RASGRF2: variants seen among roughly 807,000 people sequenced by gnomAD.
RASGRF2 encodes the protein Ras protein specific guanine nucleotide releasing factor 2, also known as ras-specific guanine nucleotide-releasing factor 2.
Under a neutral mutation model 151.0 loss-of-function variants are expected in RASGRF2, and 76 were observed. That is an observed-to-expected ratio of 0.50 (90% CI 0.42 to 0.61). The LOEUF (loss-of-function observed/expected upper bound fraction) is 0.61. Ranked by LOEUF, RASGRF2 falls within the 20% of genes least tolerant of loss-of-function variation. The pLI is 0.00. For missense variants in RASGRF2, 1,148 were observed against 1,564.6 expected, an observed-to-expected ratio of 0.73 and a Z score of 4.49; for synonymous variants, 504 against 566.5, an observed-to-expected ratio of 0.89 and a Z score of 1.57.
chr5:81,001,654 A>G (rs565173327), intron 1 of RASGRF2, among the ~76,000 whole-genome samples: 2 of 152,284 alleles, frequency 1.3e-5, no homozygotes, highest in East Asian at 3.9e-4. Flanking sequence ...TCCCACAGTC[A>G]TCTACACATA....
intron 1 of RASGRF2, among the ~76,000 whole-genome samples, chr5:80,995,691 C>CA (rs1554083704): frequency 4.6e-5 from 6 of 129,880 alleles, no homozygotes; most frequent in Non-Finnish European, 9.7e-5. Flanking sequence ...CCTTCCCCCC[C>CA]CCTTTTTTTT....
intron 1 of RASGRF2, among the ~76,000 whole-genome samples, chr5:81,022,740 G>C (rs1442397367): frequency 1.3e-5 from 2 of 152,224 alleles, no homozygotes; most frequent in East Asian, 3.9e-4. Context: ...TGGGAGAGGG[G>C]GGCACTAGCT....
chr5:80,972,878 C>T (rs1471711640), intron 1 of RASGRF2, among the ~76,000 whole-genome samples: 1 of 152,130 alleles, frequency 6.6e-6, no homozygotes, highest in Non-Finnish European at 1.5e-5. Flanking sequence ...AACTATATGA[C>T]CTACCATTTC....
intron 17 of RASGRF2, among the ~76,000 whole-genome samples, chr5:81,139,830 T>C (rs1753842037): frequency 1.3e-5 from 2 of 152,112 alleles, no homozygotes; most frequent in Non-Finnish European, 2.9e-5. Context: ...CAGACTTTTT[T>C]TATTTTTTGA....
chr5:81,005,304 C>G lies in RASGRF2; in HGVS notation c.289-37573C>G, dbSNP rs1171538510. ...CGGAAGGGGAAGCAAACATGTCCTT[C>G]TTCATGCTGGCAGGAAGAAGAAATG... On this transcript the variant is annotated intron_variant, in intron 1 of 26. Coordinates refer to ENST00000265080, the MANE Select transcript of RASGRF2 (RefSeq NM_006909.3). Among the ~76,000 whole-genome samples, 3 of 152,168 alleles carry G rather than the reference C, an allele frequency of 2.0e-5. No homozygotes were observed. In the East Asian group the frequency reaches 5.8e-4, roughly 29 times the overall value.
intron 9 of RASGRF2, chr5:81,087,667 G>T (rs1399104349): frequency 2.5e-6 from 1 of 401,688 alleles, no homozygotes; most frequent in Non-Finnish European, 4.5e-6. Context: ...CACATCCCAA[G>T]TTATTTTTTT....
chr5:81,181,874 AC>A (rs1754924796), intron 18 of RASGRF2, among the ~76,000 whole-genome samples: 1 of 152,210 alleles, frequency 6.6e-6, no homozygotes, highest in South Asian at 2.1e-4. Context: ...ATTATCTCAA[AC>A]AGGAATCCCT....
At chr5:81,172,093 C>T (rs1344345910) in intron 17 of RASGRF2, among the ~76,000 whole-genome samples, 2 of 151,976 alleles carry the variant, frequency 1.3e-5, no homozygotes, top group African/African-American at 4.8e-5. Flanking sequence ...GTTTTTTTTA[C>T]CATCTGTGAC....
intron 17 of RASGRF2, among the ~76,000 whole-genome samples, chr5:81,129,612 G>A (rs1426228435): frequency 6.6e-6 from 1 of 152,100 alleles, no homozygotes; most frequent in Non-Finnish European, 1.5e-5. Context: ...ATAACAAAAA[G>A]CAGTCTATAA....
intron 2 of RASGRF2, among the ~76,000 whole-genome samples, chr5:81,055,308 C>T (rs1054015318): frequency 1.2e-4 from 18 of 152,174 alleles, no homozygotes; most frequent in African/African-American, 4.1e-4. Flanking sequence ...CCCATCAATA[C>T]CTAATTTATT....
intron 8 of RASGRF2, 99 bp from the exon 9 acceptor site, chr5:81,086,736 A>G: frequency 1.0e-6 from 1 of 969,132 alleles, no homozygotes; most frequent in Non-Finnish European, 1.6e-6. Flanking sequence ...AATCGATACA[A>G]GCTTGCAACC....
At chr5:81,185,627 CT>C (rs1204908998) in intron 18 of RASGRF2, among the ~76,000 whole-genome samples, 1 of 152,150 alleles carries the variant, frequency 6.6e-6, no homozygotes, top group Non-Finnish European at 1.5e-5. Context: ...CCTGCCACAT[CT>C]AGAGAGAGCC....
At chr5:81,016,577 A>G (rs1198465536) in intron 1 of RASGRF2, among the ~76,000 whole-genome samples, 1 of 152,244 alleles carries the variant, frequency 6.6e-6, no homozygotes, top group Non-Finnish European at 1.5e-5. Context: ...GGAGAAAACC[A>G]CAATAGGATG....
At chr5:81,034,701 A>C (rs1750405660) in intron 1 of RASGRF2, among the ~76,000 whole-genome samples, 1 of 151,340 alleles carries the variant, frequency 6.6e-6, no homozygotes, top group South Asian at 2.1e-4. Context: ...TCGCAAGAAC[A>C]AAAAACCAAA....
chr5:81,145,068 C>A (rs1246118027), intron 17 of RASGRF2, among the ~76,000 whole-genome samples: 2 of 152,070 alleles, frequency 1.3e-5, no homozygotes, highest in Non-Finnish European at 2.9e-5. Flanking sequence ...CATGGAGAAA[C>A]CCAGTCTCTA....
At position 81,080,649 on chromosome 5, in the gene RASGRF2, C is replaced by T. The variant is rs1340681754; in HGVS notation, c.1021C>T (p.Arg341Cys). 2 of 1,614,034 alleles carry T rather than the reference C, an allele frequency of 1.2e-6. No homozygotes were observed. The highest frequency in any genetic ancestry group is 1.7e-6 in the Non-Finnish European group (2 of 1,179,898). ...GCTGAACATTTATCAAGAATTTGTGCGTAATCACCAGTACAGCCTGCAAGT... is the reference window on the plus strand; with the variant it reads ...GCTGAACATTTATCAAGAATTTGTGTGTAATCACCAGTACAGCCTGCAAGT... The part of the protein sequence containing the change: ...PMLNIYQEFV[R>C]NHQYSLQVLA... Residue 341 changes from arginine (R) to cysteine (C), a missense_variant, in exon 7 of 27, where the codon CGT becomes TGT. By Grantham distance (180) the Arg-to-Cys change is radical. This residue lies in a region of RASGRF2 where 176 missense variants were observed against 309.6 expected (regional missense o/e 0.57). Coordinates refer to ENST00000265080, the MANE Select transcript of RASGRF2 (RefSeq NM_006909.3).
chr5:80,977,992 G>T (rs1457243443), intron 1 of RASGRF2, among the ~76,000 whole-genome samples: 1 of 152,144 alleles, frequency 6.6e-6, no homozygotes, highest in Non-Finnish European at 1.5e-5. Context: ...AAATAGTTGG[G>T]TGATTACTTT....
At chr5:81,205,343 G>T (rs1418011753) in intron 19 of RASGRF2, among the ~76,000 whole-genome samples, 3 of 152,146 alleles carry the variant, frequency 2.0e-5, no homozygotes, top group African/African-American at 4.8e-5. Flanking sequence ...TAAAGGAAGG[G>T]CCCACAACCC....
chr5:81,217,441 G>A lies in RASGRF2; in HGVS notation c.3520G>A (p.Glu1174Lys), dbSNP rs143531418. 2.2e-4 allele frequency: 352 copies of A among 1,612,852 alleles called. No individual in the cohort carries two copies. The Middle Eastern group carries it at 3.1e-3, about 14-fold the overall frequency. Residue 1174 changes from glutamate to lysine, a missense_variant, in exon 25 of 27, where the codon GAA becomes AAA. Around this residue, in one of 5 missense-constraint regions of RASGRF2, gnomAD observed 100 missense variants for 148.2 expected, o/e 0.67. Transcript: ENST00000265080. ...IEEGTPNFTE[E>K]GLVNFSKMRM... Reference sequence around the variant, plus strand: ...AGAAGGAACACCAAACTTTACTGAGGAAGGCCTTGTCAATTTCTCCAAAAT... The same window carrying A: ...AGAAGGAACACCAAACTTTACTGAGAAAGGCCTTGTCAATTTCTCCAAAAT...
Sources: gnomAD v4.1 joint callset for allele counts (sites outside exome capture counted in the v4.1 genomes callset) on GRCh38, gnomAD v4.1.1 for gene constraint, gnomAD v4.1.1 regional missense constraint, MANE v1.5 for transcripts, NCBI Gene and HGNC (gene_info 2026-07-23, HGNC 2026-07-21) for gene names.